BACH2: variants seen among roughly 807,000 people sequenced by gnomAD.
BACH2 encodes the protein transcription regulator protein BACH2.
A neutral mutation model predicts 61.8 loss-of-function variants in BACH2; 5 were observed. The observed-to-expected ratio is 0.08, with a 90% confidence interval of 0.04 to 0.17. BACH2 has a LOEUF of 0.17. BACH2 is among the 10% of genes least tolerant of loss of function. The probability of loss-of-function intolerance (pLI) is 1.00; values close to 1 mark genes in which losing one functional copy is unlikely to be tolerated. For missense variants in BACH2, 824 were observed against 1,091.1 expected (o/e 0.76, Z 3.45); for synonymous variants, 446 against 440.1 (o/e 1.01, Z -0.17).
At chr6:90,198,671 A>G (rs1768849336) in intron 4 of BACH2, among the ~76,000 whole-genome samples, 1 of 152,222 alleles carries the variant, frequency 6.6e-6, no homozygotes, top group Non-Finnish European at 1.5e-5. Flanking sequence ...TAGTGGGTGC[A>G]CAGAGTCTCA....
In BACH2 at chr6:89,933,799, A is replaced by G. The variant is rs868607047; in HGVS notation, c.2044-909T>C. ...TCAGGAGTTTGAGACCAGCTTGGGG[A>G]ACATGGCAAAACCCCTTCTCTACAA... On this transcript the variant is annotated intron_variant, in intron 8 of 8. Transcript: ENST00000257749. 1.2e-4 allele frequency among the ~76,000 whole-genome samples: 18 copies of G among 151,326 alleles called. 1 individual carries two copies. Among genetic ancestry groups the G allele is most frequent in the Middle Eastern group, 6.8e-3 (2 of 292 alleles).
intron 7 of BACH2, among the ~76,000 whole-genome samples, chr6:89,943,407 T>G (rs1773551338): frequency 6.6e-6 from 1 of 151,962 alleles, no homozygotes; most frequent in African/African-American, 2.4e-5. Flanking sequence ...ATTGAAAAAT[T>G]ATATAAGTAT....
At chr6:90,243,106 C>G (rs1268706514) in intron 3 of BACH2, among the ~76,000 whole-genome samples, 4 of 131,002 alleles carry the variant, frequency 3.1e-5, no homozygotes, top group Non-Finnish European at 6.3e-5. Context: ...GTTGGTCAGG[C>G]TGGTCTTGAA....
intron 6 of BACH2, among the ~76,000 whole-genome samples, chr6:89,980,147 A>T (rs1168517192): frequency 1.3e-5 from 2 of 152,126 alleles, no homozygotes; most frequent in African/African-American, 2.4e-5. Flanking sequence ...TACAAAAATT[A>T]GCTGGGCGTG....
chr6:90,140,546 G>A (rs896810032), intron 4 of BACH2, among the ~76,000 whole-genome samples: 2 of 152,122 alleles, frequency 1.3e-5, no homozygotes, highest in African/African-American at 4.8e-5. Context: ...ACAGGAAAAG[G>A]GTAATATACC....
At chr6:90,025,938 C>T (rs1778611507) in intron 5 of BACH2, among the ~76,000 whole-genome samples, 1 of 152,170 alleles carries the variant, frequency 6.6e-6, no homozygotes, top group African/African-American at 2.4e-5. Context: ...GATCATTTTA[C>T]ATTTTAATAG....
At chr6:89,997,005 G>GCACACACACACA (rs60037899) in intron 6 of BACH2, among the ~76,000 whole-genome samples, 16 of 149,516 alleles carry the variant, frequency 1.1e-4, no homozygotes, top group African/African-American at 3.2e-4. Context: ...ATGCACACGG[G>GCACACACACACA]CACACACACA....
chr6:90,040,880 A>G (rs1779501410), intron 5 of BACH2, among the ~76,000 whole-genome samples: 1 of 152,180 alleles, frequency 6.6e-6, no homozygotes, highest in African/African-American at 2.4e-5. Context: ...TCAGCTGTTG[A>G]TCACATATAT....
chr6:89,946,603 A>G (rs1031912072), intron 7 of BACH2, among the ~76,000 whole-genome samples: 39 of 152,200 alleles, frequency 2.6e-4, no homozygotes, highest in African/African-American at 9.2e-4. Flanking sequence ...TACGAGAACG[A>G]GAGATATTGG....
intron 6 of BACH2, among the ~76,000 whole-genome samples, chr6:89,969,160 TCTC>T (rs1775221883): frequency 6.6e-6 from 1 of 150,946 alleles, no homozygotes; most frequent in South Asian, 2.1e-4. Flanking sequence ...TTCAAGCGAT[TCTC>T]CTGCCTCAGC....
chr6:90,168,778 T>G (rs1270436515), intron 4 of BACH2, among the ~76,000 whole-genome samples: 3 of 152,216 alleles, frequency 2.0e-5, no homozygotes, highest in Non-Finnish European at 2.9e-5. Flanking sequence ...ATAACTTGTT[T>G]ATAGAATGTA....
chr6:90,127,783 C>G (rs755537504), intron 4 of BACH2, among the ~76,000 whole-genome samples: 1 of 152,130 alleles, frequency 6.6e-6, no homozygotes, highest in African/African-American at 2.4e-5. Flanking sequence ...GAGGCTCTTG[C>G]GTTTGAACAG....
chr6:90,224,047 C>T (rs1344246675), intron 3 of BACH2, among the ~76,000 whole-genome samples: 1 of 152,142 alleles, frequency 6.6e-6, no homozygotes, highest in Non-Finnish European at 1.5e-5. Flanking sequence ...CACCTGAATT[C>T]TGGAAATGAG....
intron 5 of BACH2, among the ~76,000 whole-genome samples, chr6:90,081,032 G>A (rs1159941640): frequency 6.6e-6 from 1 of 152,118 alleles, no homozygotes; most frequent in African/African-American, 2.4e-5. Context: ...TGACTGTGCT[G>A]TGACAAGGTA....
At chr6:90,074,908 C>T (rs1392142932) in intron 5 of BACH2, among the ~76,000 whole-genome samples, 1 of 152,126 alleles carries the variant, frequency 6.6e-6, no homozygotes. Context: ...GAATAGAATA[C>T]AGACAGACAT....
intron 6 of BACH2, among the ~76,000 whole-genome samples, chr6:90,006,178 C>T (rs1777395211): frequency 6.6e-6 from 1 of 152,192 alleles, no homozygotes; most frequent in Admixed American, 6.5e-5. Flanking sequence ...AGGAGGATCC[C>T]TTGAGCTCAA....
chr6:90,278,918 A>G (rs1771774428), intron 1 of BACH2, among the ~76,000 whole-genome samples: 1 of 152,256 alleles, frequency 6.6e-6, no homozygotes, highest in African/African-American at 2.4e-5. Flanking sequence ...GGAACAGGCC[A>G]AATGTATCTT....
Position 90,019,084 on chromosome 6 carries a change from C to CTCCTCAAT in BACH2, c.-12-10236_-12-10229dup, listed in dbSNP as rs1778239674. ...TATTCTTTCTCCTACCACACTGAGT[C>CTCCTCAAT]TCCTCAATTAGTCTATAGAAATTAT... On this transcript the variant is annotated intron_variant, in intron 5 of 8. Coordinates refer to ENST00000257749, the MANE Select transcript of BACH2 (RefSeq NM_021813.4). Among the ~76,000 whole-genome samples the CTCCTCAAT allele has an allele frequency of 2.0e-5, 3 of 152,138 alleles. No homozygotes were observed. The South Asian group carries it at 6.2e-4, about 32-fold the overall frequency.
chr6:90,185,774 T>G (rs1042856607), intron 4 of BACH2, among the ~76,000 whole-genome samples: 9 of 152,200 alleles, frequency 5.9e-5, no homozygotes, highest in Non-Finnish European at 1.2e-4. Flanking sequence ...CTACACACAT[T>G]AGTATCTTCT....
Sources: allele counts gnomAD v4.1 joint callset (sites outside exome capture counted in the v4.1 genomes callset), GRCh38; gene constraint gnomAD v4.1.1; transcripts MANE v1.5; gene names NCBI Gene and HGNC (gene_info 2026-07-23, HGNC 2026-07-21).